Variants in SUSD5 observed in about 807,000 individuals in gnomAD.
The protein encoded by SUSD5 is sushi domain-containing protein 5.
A neutral mutation model predicts 29.5 loss-of-function variants in SUSD5; 33 were observed. The observed-to-expected ratio is 1.12, with a 90% confidence interval of 0.85 to 1.49. SUSD5 has a LOEUF of 1.49. Ranked by LOEUF, SUSD5 falls within the 40% of genes most tolerant of loss-of-function variation. The pLI is 0.00. For synonymous variants in SUSD5, 308 were observed against 325.3 expected (o/e 0.95, Z 0.57); for missense variants, 776 against 800.6 (o/e 0.97, Z 0.37).
At chr3:33,176,552 C>T (rs1386007911) in intron 3 of SUSD5, among the ~76,000 whole-genome samples, 1 of 152,172 alleles carries the variant, frequency 6.6e-6, no homozygotes, top group African/African-American at 2.4e-5. Flanking sequence ...AAGTCTGTGA[C>T]CCATCTTATT....
intron 1 of SUSD5, among the ~76,000 whole-genome samples, chr3:33,217,071 C>G (rs1201118354): frequency 6.6e-6 from 1 of 152,158 alleles, no homozygotes; most frequent in Non-Finnish European, 1.5e-5. Context: ...TTTTCTATGA[C>G]CCGTATCAAG....
At chr3:33,164,928 C>T (rs11709566) in intron 4 of SUSD5, among the ~76,000 whole-genome samples, 82,450 of 151,412 alleles carry the variant, frequency 0.54, 24,137 homozygotes, top group Middle Eastern at 0.66. Flanking sequence ...TTGTTACAAC[C>T]ATTTGGGCAT....
chr3:33,205,614 T>C (rs2032203448), intron 3 of SUSD5, among the ~76,000 whole-genome samples: 2 of 152,302 alleles, frequency 1.3e-5, no homozygotes, highest in South Asian at 2.1e-4. Context: ...ATTACAGTTG[T>C]GGGCAAAAGA....
In SUSD5 at chr3:33,150,590, A is replaced by G. The variant is rs2030849620; in HGVS notation, c.*2152T>C. 1 of 152,224 alleles carries G rather than the reference A, an allele frequency of 6.6e-6. No individual in the cohort carries two copies. The highest frequency in any genetic ancestry group is 2.1e-4 in the South Asian group (1 of 4,838). 9.4% of individuals were successfully genotyped at this position (152,224 alleles called of 1,614,324 possible). On this transcript the variant is annotated 3_prime_UTR_variant, in exon 5 of 5. Transcript: ENST00000309558. Reference sequence around the variant, plus strand: ...TGTTTTGCTTTGGCTACATGCAGAAAGCATTTTATTCCTATTGTTCTTGAC... The same window carrying G: ...TGTTTTGCTTTGGCTACATGCAGAAGGCATTTTATTCCTATTGTTCTTGAC...
rs765217826 is a variant in SUSD5 at position 33,207,909 on chromosome 3, T to C, written c.308A>G (p.Lys103Arg). ...CATGATTTGCTGTTCTCCACTTCCTTTGCTACACACAGTTGTTCTGAAATA... is the reference window on the plus strand; with the variant it reads ...CATGATTTGCTGTTCTCCACTTCCTCTGCTACACACAGTTGTTCTGAAATA... Reference protein sequence around the residue: ...DGTLGTTVCSKGSGEQQIMRA... With the variant: ...DGTLGTTVCSRGSGEQQIMRA... The change falls in exon 3 of 5, where the codon AAA becomes AGA. Residue 103 changes from lysine (K) to arginine (R), a missense_variant. Lys to Arg is a conservative substitution (Grantham distance 26). Transcript: ENST00000309558. 6.2e-7 allele frequency: 1 copy of C among 1,613,784 alleles called. No homozygotes were observed. Among genetic ancestry groups the C allele is most frequent in the Admixed American group, 1.7e-5 (1 of 59,994 alleles).
rs764630661 is a variant in SUSD5, at chr3:33,152,769, G to C, written c.1863C>G (p.His621Gln). ...AGACCTTCTCCATCTCGATCTGCTG[G>C]TGGTAGTGCCGAGCCTGCCGCTGGC... ...NVGQRQARHY[H>Q]QQIEMEKV The change falls in exon 5 of 5, where the codon CAC (histidine) becomes CAG (glutamine). Residue 621 changes from histidine to glutamine, a missense_variant. By Grantham distance (24) the His-to-Gln change is conservative (BLOSUM62 0). Transcript: ENST00000309558. 6.2e-7 allele frequency: 1 copy of C among 1,612,876 alleles called. No individual in the cohort carries two copies. Among genetic ancestry groups the C allele is most frequent in the East Asian group, 2.2e-5 (1 of 44,872 alleles).
At chr3:33,177,681 T>A (rs2031580724) in intron 3 of SUSD5, among the ~76,000 whole-genome samples, 1 of 152,210 alleles carries the variant, frequency 6.6e-6, no homozygotes. Context: ...ACTGGTAATG[T>A]GTTTTTAATT....
At chr3:33,207,213 T>C (rs2032238563) in intron 3 of SUSD5, among the ~76,000 whole-genome samples, 1 of 152,214 alleles carries the variant, frequency 6.6e-6, no homozygotes, top group Non-Finnish European at 1.5e-5. Flanking sequence ...ATTATTTTCT[T>C]TTTAGTGTAC....
intron 3 of SUSD5, among the ~76,000 whole-genome samples, chr3:33,187,970 C>A (rs914520561): frequency 2.0e-5 from 3 of 152,088 alleles, no homozygotes; most frequent in Non-Finnish European, 4.4e-5. Flanking sequence ...TTTGTGAACA[C>A]AGATTTAGGA....
chr3:33,209,551 CTCCTT>C (rs1048033127), intron 2 of SUSD5, among the ~76,000 whole-genome samples: 4 of 151,342 alleles, frequency 2.6e-5, no homozygotes, highest in Non-Finnish European at 4.4e-5. Flanking sequence ...AAGTCTTTCT[CTCCTT>C]TCCTTTCCTT....
At chr3:33,162,416 TAGA>T (rs1225559646) in intron 4 of SUSD5, among the ~76,000 whole-genome samples, 1 of 151,616 alleles carries the variant, frequency 6.6e-6, no homozygotes, top group Admixed American at 6.6e-5. Flanking sequence ...AACAAAGAAA[TAGA>T]AGAAGGAGAT....
chr3:33,212,550 T>G (rs4678775), intron 2 of SUSD5, among the ~76,000 whole-genome samples: 32,887 of 152,062 alleles, frequency 0.22, 4,332 homozygotes, highest in East Asian at 0.45. Flanking sequence ...CTGGCAAGAC[T>G]CATAGGCTGG....
rs1014924743 is a variant in SUSD5, at chr3:33,218,598, G to A, written c.112+88C>T. On this transcript the variant is annotated intron_variant, in intron 1 of 4. Transcript: ENST00000309558. ...GCTTGCGCTTGCCGCTTGCCGGGCC[G>A]GTCAGAGGGAGCAGCCCCGGCGAGC... 16 of 1,147,844 alleles carry A rather than the reference G, an allele frequency of 1.4e-5. No homozygotes were observed. The African/African-American group carries it at 1.9e-4, about 14-fold the overall frequency. The allele number at this position is 1,147,844 out of a possible 1,614,324, so 71.1% of individuals were successfully genotyped here.
chr3:33,200,165 C>T (rs1003187542), intron 3 of SUSD5, among the ~76,000 whole-genome samples: 4 of 152,160 alleles, frequency 2.6e-5, no homozygotes, highest in Admixed American at 6.5e-5. Flanking sequence ...TGCCTCACCC[C>T]GTCTACCATG....
At chr3:33,214,720 A>G (rs1248783299) in intron 1 of SUSD5, among the ~76,000 whole-genome samples, 5 of 152,094 alleles carry the variant, frequency 3.3e-5, no homozygotes, top group African/African-American at 7.2e-5. Flanking sequence ...AGAATGTGTG[A>G]TTAATGGGGG....
In SUSD5 at chr3:33,153,043, T is replaced by G. The variant is rs1243877650; in HGVS notation, c.1589A>C (p.Gln530Pro). ...AGACAGCAGGTATGGGAAGCTATCC[T>G]GGATCTCAGGAACAGTGGTTTCTAC... ...PPVETTVPEI[Q>P]DSFPYLLSED... is the part of the protein sequence containing the mutation. The change falls in exon 5 of 5, where the codon CAG becomes CCG. Residue 530 changes from glutamine to proline, a missense_variant. By Grantham distance (76) the Gln-to-Pro change is moderately conservative (BLOSUM62 -1). Transcript: ENST00000309558. 1.2e-6 allele frequency: 2 copies of G among 1,613,866 alleles called. No individual in the cohort carries two copies. The highest frequency in any genetic ancestry group is 1.7e-6 in the Non-Finnish European group (2 of 1,179,802).
intron 2 of SUSD5, among the ~76,000 whole-genome samples, chr3:33,211,444 T>A (rs761586066): frequency 1.3e-5 from 2 of 152,206 alleles, no homozygotes; most frequent in Non-Finnish European, 2.9e-5. Flanking sequence ...TGGAAATGCA[T>A]GCACAGGGCA....
intron 3 of SUSD5, among the ~76,000 whole-genome samples, chr3:33,198,030 T>C (rs2032027031): frequency 6.6e-6 from 1 of 152,210 alleles, no homozygotes; most frequent in African/African-American, 2.4e-5. Context: ...ATAATACATG[T>C]ATATATATGC....
chr3:33,175,992 C>T (rs2031544875), intron 3 of SUSD5, among the ~76,000 whole-genome samples: 1 of 152,208 alleles, frequency 6.6e-6, no homozygotes, highest in South Asian at 2.1e-4. Context: ...GTCCTCTGTG[C>T]TCTGCTTATT....
Sources: allele counts gnomAD v4.1 joint callset (sites outside exome capture counted in the v4.1 genomes callset), GRCh38; gene constraint gnomAD v4.1.1; transcripts MANE v1.5; gene names NCBI Gene and HGNC (gene_info 2026-07-23, HGNC 2026-07-21).